Variants in HECW2 observed in about 807,000 individuals in gnomAD.
HECW2 encodes the protein E3 ubiquitin-protein ligase HECW2.
In HECW2, 61 loss-of-function variants were observed where a neutral mutation model predicts 175.2. That is an observed-to-expected ratio of 0.35 (90% confidence interval 0.28 to 0.43). The LOEUF (loss-of-function observed/expected upper bound fraction) is 0.43. Ranked by LOEUF, HECW2 falls within the 20% of genes least tolerant of loss-of-function variation. HECW2 has a pLI of 1.00. For synonymous variants in HECW2, 671 were observed against 731.0 expected (o/e 0.92, Z 1.32); for missense variants, 1,524 against 2,000.5 (o/e 0.76, Z 4.54).
At chr2:196,430,420 T>C (rs1695675323) in intron 2 of HECW2, among the ~76,000 whole-genome samples, 1 of 142,650 alleles carries the variant, frequency 7.0e-6, no homozygotes, top group Non-Finnish European at 1.5e-5. Context: ...ATAAGAACCA[T>C]GGTCAATGAA....
intron 2 of HECW2, among the ~76,000 whole-genome samples, chr2:196,382,789 G>A (rs544608994): frequency 5.5e-3 from 2 of 362 alleles, no homozygotes; most frequent in African/African-American, 0.01. Flanking sequence ...TCTAAACCAG[G>A]GTAGCTCCAT....
intron 1 of HECW2, among the ~76,000 whole-genome samples, chr2:196,531,381 G>T (rs1688833178): frequency 6.6e-6 from 1 of 152,148 alleles, no homozygotes; most frequent in Admixed American, 6.5e-5. Context: ...TTTTTGGCCA[G>T]GTGCGGCAGC....
At chr2:196,503,896 C>G (rs753743222) in intron 1 of HECW2, among the ~76,000 whole-genome samples, 1 of 152,152 alleles carries the variant, frequency 6.6e-6, no homozygotes, top group Non-Finnish European at 1.5e-5. Context: ...TTACTGTGCT[C>G]CTTGTGAGAC....
chr2:196,456,273 G>A (rs1448228873), intron 1 of HECW2, among the ~76,000 whole-genome samples: 1 of 152,098 alleles, frequency 6.6e-6, no homozygotes, highest in East Asian at 1.9e-4. Context: ...GATTGCTTGA[G>A]GGTTGTAAGT....
At chr2:196,424,853 T>A (rs562600212) in intron 2 of HECW2, among the ~76,000 whole-genome samples, 1 of 152,198 alleles carries the variant, frequency 6.6e-6, no homozygotes, top group Non-Finnish European at 1.5e-5. Context: ...CTAGCTAAGA[T>A]CATTGATTAA....
intron 19 of HECW2, among the ~76,000 whole-genome samples, chr2:196,250,855 CT>C (rs1688827048): frequency 6.6e-6 from 1 of 152,126 alleles, no homozygotes. Flanking sequence ...ATTTTGCTTT[CT>C]TTTTACCTCC....
intron 2 of HECW2, among the ~76,000 whole-genome samples, chr2:196,390,694 T>TG (rs1361460768): frequency 6.6e-6 from 1 of 152,184 alleles, no homozygotes; most frequent in African/African-American, 2.4e-5. Context: ...GTTTCATACT[T>TG]GATGCCTGTT....
rs760756477 is a variant in HECW2 at position 196,318,864 on chromosome 2, A to C, written c.2026T>G (p.Ser676Ala). The C allele has an allele frequency of 6.4e-7, 1 of 1,552,068 alleles. No homozygotes were observed. Among genetic ancestry groups the C allele is most frequent in the Non-Finnish European group, 8.7e-7 (1 of 1,149,222 alleles). The change falls in exon 9 of 29, where the codon TCT becomes GCT. Residue 676 changes from serine to alanine, a missense_variant. Coordinates refer to ENST00000644978, the MANE Select transcript of HECW2 (RefSeq NM_001348768.2). Reference protein sequence around the residue: ...ARFPETPAFSSQEEEDGACAA... With the variant: ...ARFPETPAFSAQEEEDGACAA... Reference sequence around the variant, plus strand: ...CAGGCTCCGTCTTCCTCCTCCTGAGAAGAAAAGGCTGGGGTTTCAGGAAAC... The same window carrying C: ...CAGGCTCCGTCTTCCTCCTCCTGAGCAGAAAAGGCTGGGGTTTCAGGAAAC...
At chr2:196,488,852 G>T (rs1687096850) in intron 1 of HECW2, among the ~76,000 whole-genome samples, 1 of 152,026 alleles carries the variant, frequency 6.6e-6, no homozygotes, top group Non-Finnish European at 1.5e-5. Context: ...AACTAAATGA[G>T]ATTATATCTG....
At chr2:196,480,974 T>A (rs369111091) in intron 1 of HECW2, among the ~76,000 whole-genome samples, 8 of 152,358 alleles carry the variant, frequency 5.3e-5, no homozygotes, top group African/African-American at 1.9e-4. Flanking sequence ...ATAGATAGTT[T>A]AATTGTGAGG....
At chr2:196,354,391 T>G (rs1484147774) in intron 2 of HECW2, among the ~76,000 whole-genome samples, 2 of 152,150 alleles carry the variant, frequency 1.3e-5, no homozygotes, top group Non-Finnish European at 2.9e-5. Flanking sequence ...CCACACTCAC[T>G]TGCTCACATA....
chr2:196,510,569 A>T (rs1417559545), intron 1 of HECW2, among the ~76,000 whole-genome samples: 1 of 142,180 alleles, frequency 7.0e-6, no homozygotes, highest in African/African-American at 2.7e-5. Context: ...GTTTTCTTTT[A>T]GAAGATTCCT....
intron 1 of HECW2, among the ~76,000 whole-genome samples, chr2:196,568,807 A>C (rs996008479): frequency 1.3e-5 from 2 of 152,078 alleles, no homozygotes; most frequent in Non-Finnish European, 2.9e-5. Flanking sequence ...AAGTATAGAT[A>C]CTCCAGGGTC....
chr2:196,587,904 C>G (rs1559190622), intron 1 of HECW2, among the ~76,000 whole-genome samples: 1 of 152,192 alleles, frequency 6.6e-6, no homozygotes, highest in Non-Finnish European at 1.5e-5. Flanking sequence ...GTCATTCCAC[C>G]CCATCATGCT....
chr2:196,451,445 A>AG (rs1377126159), intron 1 of HECW2, among the ~76,000 whole-genome samples: 58 of 145,890 alleles, frequency 4.0e-4, no homozygotes, highest in African/African-American at 1.5e-3. Context: ...AAAAAAAAAA[A>AG]AAAAGAAAAG....
rs996647038 is a variant in HECW2 at position 196,430,889 on chromosome 2, G to A, written c.292+2243C>T. Reference sequence around the variant, plus strand: ...CAGAAAAAATATTTGAAGAAATAGTGGCCAACATTTGTCCAAATTTCATCA... The same window carrying A: ...CAGAAAAAATATTTGAAGAAATAGTAGCCAACATTTGTCCAAATTTCATCA... On this transcript the variant is annotated intron_variant, in intron 2 of 28. Transcript: ENST00000644978. Among the ~76,000 whole-genome samples the A allele has an allele frequency of 1.2e-4, 19 of 152,188 alleles. No homozygotes were observed. In the Middle Eastern group the frequency reaches 0.01, roughly 82 times the overall value.
At chr2:196,580,110 A>G (rs1690716644) in intron 1 of HECW2, among the ~76,000 whole-genome samples, 1 of 152,228 alleles carries the variant, frequency 6.6e-6, no homozygotes, top group African/African-American at 2.4e-5. Flanking sequence ...TAATGATAAA[A>G]GGATCAATTG....
At chr2:196,374,457 C>T (rs1318378038) in intron 2 of HECW2, among the ~76,000 whole-genome samples, 3 of 152,168 alleles carry the variant, frequency 2.0e-5, no homozygotes, top group Non-Finnish European at 4.4e-5. Flanking sequence ...ACTTGCATTA[C>T]CTTACTAATC....
At chr2:196,406,043 C>G (rs1694958629) in intron 2 of HECW2, among the ~76,000 whole-genome samples, 1 of 152,170 alleles carries the variant, frequency 6.6e-6, no homozygotes, top group Non-Finnish European at 1.5e-5. Context: ...TTTCAGCCTT[C>G]TGTGCCTCCT....
Sources: gnomAD v4.1 joint callset for allele counts (sites outside exome capture counted in the v4.1 genomes callset) on GRCh38, gnomAD v4.1.1 for gene constraint, MANE v1.5 for transcripts, NCBI Gene and HGNC (gene_info 2026-07-23, HGNC 2026-07-21) for gene names.